The following BCAR3 variants were observed in gnomAD, a reference collection of about 807,000 sequenced individuals.
BCAR3 encodes the protein breast cancer anti-estrogen resistance protein 3.
BCAR3 carries 37 observed loss-of-function variants against 80.1 expected under a neutral mutation model. That is an observed-to-expected ratio of 0.46 (90% CI 0.36 to 0.61). BCAR3 has a LOEUF of 0.61. Among genes scored for constraint, BCAR3 ranks in the 20% least tolerant of loss-of-function variants. The pLI is 0.00. For synonymous variants in BCAR3, 389 were observed against 418.9 expected (o/e 0.93, Z 0.87); for missense variants, 978 against 1,068.2 (o/e 0.92, Z 1.18).
chr1:93,674,252 T>G (rs1239523887), intron 2 of BCAR3, among the ~76,000 whole-genome samples: 1 of 152,202 alleles, frequency 6.6e-6, no homozygotes, highest in Non-Finnish European at 1.5e-5. Context: ...TTTGTGTATG[T>G]TTGATGTTTT....
intron 5 of BCAR3, among the ~76,000 whole-genome samples, chr1:93,585,669 C>A (rs1194239866): frequency 6.6e-6 from 1 of 152,156 alleles, no homozygotes; most frequent in Non-Finnish European, 1.5e-5. Flanking sequence ...CATCTCAAGT[C>A]CAATCCTATT....
At chr1:93,689,492 TTG>T (rs1649094716) in intron 3 of BCAR3, among the ~76,000 whole-genome samples, 2 of 149,720 alleles carry the variant, frequency 1.3e-5, no homozygotes, top group Non-Finnish European at 3.0e-5. Context: ...GATCGCACCA[TTG>T]CACTCTAGCC....
intron 2 of BCAR3, among the ~76,000 whole-genome samples, chr1:93,818,968 G>T (rs1035695599): frequency 2.0e-5 from 3 of 152,112 alleles, no homozygotes; most frequent in African/African-American, 4.8e-5. Flanking sequence ...ATGTATATAT[G>T]ATATTTTTGT....
intron 2 of BCAR3, among the ~76,000 whole-genome samples, chr1:93,724,984 T>G (rs1650530439): frequency 6.6e-6 from 1 of 152,226 alleles, no homozygotes; most frequent in Non-Finnish European, 1.5e-5. Context: ...GGAAATGCTG[T>G]GAGCACCTGT....
chr1:93,574,653 G>A (rs1343030616), intron 8 of BCAR3, among the ~76,000 whole-genome samples: 1 of 152,212 alleles, frequency 6.6e-6, no homozygotes, highest in Non-Finnish European at 1.5e-5. Context: ...AGGCTGAAAT[G>A]TCTCATGGGA....
At chr1:93,606,381 AG>A (rs1674772856) in intron 3 of BCAR3, among the ~76,000 whole-genome samples, 1 of 152,186 alleles carries the variant, frequency 6.6e-6, no homozygotes, top group Non-Finnish European at 1.5e-5. Flanking sequence ...ACAAGAAAAT[AG>A]GGTGGTGGTA....
rs1652656158 is a variant in BCAR3, at chr1:93,778,587, G to A, written c.-63+66980C>T. ...GTGAAAGGGAGTTATTTTTGCCTTAGGATAATCTGTTTCTAACGCTTGTTG... is the reference window on the plus strand; with the variant it reads ...GTGAAAGGGAGTTATTTTTGCCTTAAGATAATCTGTTTCTAACGCTTGTTG... On this transcript the variant is annotated intron_variant, in intron 2 of 13. Coordinates refer to the BCAR3 transcript ENST00000370244. 2.6e-5 allele frequency among the ~76,000 whole-genome samples: 4 copies of A among 151,840 alleles called. No homozygotes were observed. The South Asian group carries it at 8.3e-4, about 32-fold the overall frequency.
intron 3 of BCAR3, chr1:93,599,796 A>C (rs1674562159): frequency 6.6e-6 from 1 of 152,252 alleles, no homozygotes; most frequent in African/African-American, 2.4e-5. Context: ...CCTTTTCCCC[A>C]GTCACTGGCA....
chr1:93,730,382 T>C (rs746849667), intron 2 of BCAR3, among the ~76,000 whole-genome samples: 3 of 152,132 alleles, frequency 2.0e-5, no homozygotes, highest in Non-Finnish European at 4.4e-5. Flanking sequence ...TGCAGAGATA[T>C]CTGGTTAACT....
chr1:93,810,024 T>C (rs1653778478), intron 2 of BCAR3, among the ~76,000 whole-genome samples: 1 of 150,760 alleles, frequency 6.6e-6, no homozygotes, highest in Admixed American at 6.6e-5. Flanking sequence ...AAGATAGCTC[T>C]ACTAAAAAAA....
chr1:93,752,451 G>A (rs1183886236), intron 2 of BCAR3, among the ~76,000 whole-genome samples: 2 of 152,232 alleles, frequency 1.3e-5, no homozygotes, highest in Non-Finnish European at 2.9e-5. Context: ...ACCCACGGCT[G>A]CAGACATTTG....
chr1:93,682,616 A>G (rs1648833906), upstream of BCAR3, among the ~76,000 whole-genome samples: 1 of 152,306 alleles, frequency 6.6e-6, no homozygotes, highest in Non-Finnish European at 1.5e-5. Flanking sequence ...GTGCAACGGC[A>G]TGATCTTGGC....
intron 1 of BCAR3, among the ~76,000 whole-genome samples, chr1:93,680,809 G>C (rs995335015): frequency 4.6e-5 from 7 of 152,144 alleles, no homozygotes; most frequent in Non-Finnish European, 8.8e-5. Flanking sequence ...CAGATGCTTC[G>C]GAGTCCGCTC....
intron 2 of BCAR3, among the ~76,000 whole-genome samples, chr1:93,738,986 C>T (rs952663526): frequency 6.6e-6 from 1 of 152,070 alleles, no homozygotes; most frequent in Non-Finnish European, 1.5e-5. Context: ...TTTCCTGACC[C>T]CACCCAAGCA....
chr1:93,687,820 C>T (rs1239990499), intron 3 of BCAR3, among the ~76,000 whole-genome samples: 1 of 152,176 alleles, frequency 6.6e-6, no homozygotes, highest in African/African-American at 2.4e-5. Context: ...AGATGAAATG[C>T]ACTTTAACAA....
chr1:93,603,571 T>A (rs999517371), intron 3 of BCAR3, among the ~76,000 whole-genome samples: 1 of 152,200 alleles, frequency 6.6e-6, no homozygotes, highest in African/African-American at 2.4e-5. Context: ...TCATTAAAGC[T>A]CAGTGAAGCA....
At chr1:93,673,303 C>T (rs1278087832) in intron 2 of BCAR3, among the ~76,000 whole-genome samples, 1 of 152,200 alleles carries the variant, frequency 6.6e-6, no homozygotes. Flanking sequence ...CACATATTTC[C>T]ACCACCCTAT....
At chr1:93,573,465 G>A (rs1168347413) in intron 8 of BCAR3, among the ~76,000 whole-genome samples, 1 of 151,872 alleles carries the variant, frequency 6.6e-6, no homozygotes, top group Non-Finnish European at 1.5e-5. Flanking sequence ...TGTTACTAGA[G>A]TTGTCTCTGT....
At chr1:93,611,417 C>T (rs983886338) in intron 3 of BCAR3, among the ~76,000 whole-genome samples, 30 of 152,192 alleles carry the variant, frequency 2.0e-4, no homozygotes, top group Admixed American at 2.0e-3. Context: ...GGAATATCTC[C>T]ATTACAAGTT....
Sources: allele counts gnomAD v4.1 joint callset (sites outside exome capture counted in the v4.1 genomes callset), GRCh38; gene constraint gnomAD v4.1.1; transcripts MANE v1.5; gene names NCBI Gene and HGNC (gene_info 2026-07-23, HGNC 2026-07-21).